Variants in HSP90AB1 observed in about 807,000 individuals in gnomAD.
The protein encoded by HSP90AB1 is heat shock protein 90 alpha family class B member 1.
Under a neutral mutation model 67.8 loss-of-function variants are expected in HSP90AB1, and 17 were observed. The observed-to-expected ratio is 0.25, with a 90% CI of 0.17 to 0.38. The LOEUF is 0.38. Among genes scored for constraint, HSP90AB1 ranks in the 10% least tolerant of loss-of-function variants. The probability of loss-of-function intolerance (pLI) is 1.00; values close to 1 mark genes in which losing one functional copy is unlikely to be tolerated. For synonymous variants in HSP90AB1, 390 were observed against 312.9 expected (o/e 1.25, Z -2.60); for missense variants, 690 against 899.9 (o/e 0.77, Z 2.98).
chr6:44,251,005 G>C (rs773496713), intron 6 of HSP90AB1, 43 bp from the exon 7 acceptor site: 1 of 1,568,652 alleles, frequency 6.4e-7, no homozygotes, highest in South Asian at 1.1e-5. Flanking sequence ...GGGGCTAAAA[G>C]GTCCTCTTTT....
intron 7 of HSP90AB1, 34 bp from the exon 8 acceptor site, chr6:44,251,384 T>A: frequency 6.3e-7 from 1 of 1,588,470 alleles, no homozygotes; most frequent in Non-Finnish European, 8.6e-7. Context: ...TCTAGCTGTT[T>A]TTTACTGAGC....
In HSP90AB1 at chr6:44,251,813, A is replaced by G. The variant is rs1221447112; in HGVS notation, c.1391A>G (p.Asp464Gly). The G allele has an allele frequency of 2.5e-6, 4 of 1,613,096 alleles. No homozygotes were observed. The highest frequency in any genetic ancestry group is 3.4e-6 in the Non-Finnish European group (4 of 1,180,026). ...LLRYHTSQSGDEMTSLSEYVS... is the reference protein window; with the variant it reads ...LLRYHTSQSGGEMTSLSEYVS... ...CGCTATCATACCTCCCAGTCTGGAG[A>G]TGAGATGACATCTCTGTCAGAGTAT... Residue 464 changes from aspartate to glycine, a missense_variant, in exon 9 of 12, where the codon GAT becomes GGT. Asp to Gly is a moderately conservative substitution (Grantham distance 94, BLOSUM62 -1). Coordinates refer to ENST00000371646, the MANE Select transcript of HSP90AB1 (RefSeq NM_007355.4).
intron 8 of HSP90AB1, 26 bp from the exon 9 acceptor site, chr6:44,251,711 T>A (rs763601020): frequency 6.2e-7 from 1 of 1,606,550 alleles, no homozygotes; most frequent in African/African-American, 1.3e-5. Context: ...TAAGCTGGAT[T>A]GTTTTTCCTC....
At position 44,249,438 on chromosome 6, in the gene HSP90AB1, A is replaced by G. The variant is rs746857821; in HGVS notation, c.209A>G (p.Glu70Gly). 4 of 1,614,048 alleles carry G rather than the reference A, an allele frequency of 2.5e-6. No individual in the cohort carries two copies. Among genetic ancestry groups the G allele is most frequent in the Non-Finnish European group, 3.4e-6 (4 of 1,179,908 alleles). ...TDPSKLDSGKELKIDIIPNPQ... is the reference protein window; with the variant it reads ...TDPSKLDSGKGLKIDIIPNPQ... ...CCTTCGAAGTTGGACAGTGGTAAAG[A>G]GCTGAAAATTGACATCATCCCCAAC... The change falls in exon 3 of 12, where the codon GAG (glutamate) becomes GGG (glycine). Residue 70 changes from glutamate (E) to glycine (G), a missense_variant. Around this residue, in one of 7 missense-constraint regions of HSP90AB1, gnomAD observed 88 missense variants for 167.7 expected, o/e 0.52. Transcript: ENST00000371646.
intron 1 of HSP90AB1, among the ~76,000 whole-genome samples, chr6:44,248,254 T>C (rs1780206097): frequency 2.6e-5 from 4 of 152,242 alleles, no homozygotes; most frequent in Admixed American, 2.6e-4. Context: ...TAGGTAGTGA[T>C]TTTCACATTT....
rs1025295021 is a variant in HSP90AB1 at position 44,250,929 on chromosome 6, G to C, written c.958-119G>C. ...GGCTCAGTTTTCTCAGGAGCTGCTT[G>C]TTGTGTGTGCTCTATCCCTTAGGCT... On this transcript the variant is annotated intron_variant, in intron 6 of 11. Transcript: ENST00000371646. 71 of 865,546 alleles carry C rather than the reference G, an allele frequency of 8.2e-5. 1 individual carries two copies. Among genetic ancestry groups the C allele is most frequent in the Admixed American group, 4.1e-4 (20 of 49,236 alleles). 53.6% of individuals were successfully genotyped at this position (865,546 alleles called of 1,614,324 possible).
rs1312101097 is a variant in HSP90AB1, at chr6:44,250,471, A to G, written c.829A>G (p.Ile277Val). 1.2e-6 allele frequency: 2 copies of G among 1,612,232 alleles called. No individual in the cohort carries two copies. Among genetic ancestry groups the G allele is most frequent in the South Asian group, 2.2e-5 (2 of 91,044 alleles). The change falls in exon 6 of 12, where the codon ATT becomes GTT. Residue 277 changes from isoleucine to valine, a missense_variant. By Grantham distance (29) the Ile-to-Val change is conservative. Coordinates refer to ENST00000371646, the MANE Select transcript of HSP90AB1 (RefSeq NM_007355.4). ...AACTAAGAAGATCAAAGAGAAATAC[A>G]TTGATCAGGAAGAACTAAACAAGAC... ...KKTKKIKEKY[I>V]DQEELNKTKP...
rs1448623964 is a variant in HSP90AB1 at position 44,253,030 on chromosome 6, T to C, written c.1732-15T>C. ...AGTGGTAATGTCAATCTAAGGCTTT[T>C]GTGATCGTCCACAGGTGACAATCTC... On this transcript the variant is annotated splice_polypyrimidine_tract_variant and intron_variant, in intron 10 of 11. Transcript: ENST00000371646. 4 of 1,605,846 alleles carry C rather than the reference T, an allele frequency of 2.5e-6. No homozygotes were observed. The highest frequency in any genetic ancestry group is 3.4e-6 in the Non-Finnish European group (4 of 1,172,920).
chr6:44,249,479 C>T lies in HSP90AB1; in HGVS notation c.250C>T (p.Leu84=), dbSNP rs11538987. ...DIIPNPQERT[L]TLVDTGIGMT... ...CATCCCCAACCCTCAGGAACGTACC[C>T]TGACTTTGGTAGACACAGGCATTGG... Residue 84 remains leucine (L), a synonymous_variant, in exon 3 of 12, where the codon CTG becomes TTG. Transcript: ENST00000371646. The T allele has an allele frequency of 6.2e-7, 1 of 1,614,086 alleles. No homozygotes were observed. Among genetic ancestry groups the T allele is most frequent in the Non-Finnish European group, 8.5e-7 (1 of 1,179,942 alleles).
intron 11 of HSP90AB1, 26 bp downstream of exon 11, chr6:44,253,404 G>A: frequency 1.3e-6 from 2 of 1,593,632 alleles, no homozygotes; most frequent in Non-Finnish European, 1.7e-6. Context: ...ACTTGGTGTG[G>A]CAAGGAGTTT....
At chr6:44,252,396 C>A in intron 10 of HSP90AB1, 129 bp downstream of exon 10, 1 of 816,646 alleles carries the variant, frequency 1.2e-6, no homozygotes, top group Non-Finnish European at 1.9e-6. Context: ...GCCTCTTGTT[C>A]TCTTCTCTAG....
Position 44,251,859 on chromosome 6 carries a change from AC to A in HSP90AB1, c.1438del (p.Gln480ArgfsTer34). The A allele has an allele frequency of 6.2e-7, 1 of 1,613,048 alleles. No individual in the cohort carries two copies. Among genetic ancestry groups the A allele is most frequent in the Non-Finnish European group, 8.5e-7 (1 of 1,180,032 alleles). ...SEYVSRMKETQKSIYYITGES... is the reference protein window; with the variant it reads ...SEYVSRMKETXKSIYYITGES... ...AGTATGTTTCTCGCATGAAGGAGACACAGAAGTCCATCTATTACATCACTGG... is the reference window on the plus strand; with the variant it reads ...AGTATGTTTCTCGCATGAAGGAGACAAGAAGTCCATCTATTACATCACTGG... On this transcript the variant is annotated frameshift_variant, in exon 9 of 12. Coordinates refer to ENST00000371646, the MANE Select transcript of HSP90AB1 (RefSeq NM_007355.4). LOFTEE classifies it high-confidence loss of function.
chr6:44,248,518 G>T, intron 1 of HSP90AB1, 112 bp from the exon 2 acceptor site: 1 of 960,538 alleles, frequency 1.0e-6, no homozygotes, highest in African/African-American at 1.6e-5. Flanking sequence ...TAGTACTCCG[G>T]TTAAACCAGT....
rs1780494102 is a variant in HSP90AB1, at chr6:44,250,414, G to A, written c.772G>A (p.Glu258Lys). Residue 258 changes from glutamate (E) to lysine (K), a missense_variant, in exon 6 of 12, where the codon GAG (glutamate) becomes AAG (lysine). Physicochemically the swap from Glu to Lys is moderately conservative, Grantham distance 56. Coordinates refer to ENST00000371646, the MANE Select transcript of HSP90AB1 (RefSeq NM_007355.4). ...GATCGAAGATGTGGGTTCAGATGAGGAGGATGACAGCGGTAAGGATAAGAA... is the reference window on the plus strand; with the variant it reads ...GATCGAAGATGTGGGTTCAGATGAGAAGGATGACAGCGGTAAGGATAAGAA... The part of the protein sequence containing the change: ...PKIEDVGSDE[E>K]DDSGKDKKKK... The A allele has an allele frequency of 6.2e-7, 1 of 1,613,794 alleles. No homozygotes were observed. Among genetic ancestry groups the A allele is most frequent in the Non-Finnish European group, 8.5e-7 (1 of 1,179,794 alleles).
In HSP90AB1 at chr6:44,253,655, C is replaced by T. The variant is rs1582992347; in HGVS notation, c.*57C>T. 2 of 1,313,444 alleles carry T rather than the reference C, an allele frequency of 1.5e-6. No individual in the cohort carries two copies. Among genetic ancestry groups the T allele is most frequent in the Non-Finnish European group, 2.2e-6 (2 of 905,620 alleles). The allele number at this position is 1,313,444 out of a possible 1,614,324, so 81.4% of individuals were successfully genotyped here. A position where few individuals can be genotyped will look rare whatever the true frequency, so the allele number is the denominator to read the frequency against. ...CTTGTATAGTGTCCCCATGGGCTCCCACTGCAGCCTCGAGTGCCCCTGTCC... is the reference window on the plus strand; with the variant it reads ...CTTGTATAGTGTCCCCATGGGCTCCTACTGCAGCCTCGAGTGCCCCTGTCC... On this transcript the variant is annotated 3_prime_UTR_variant, in exon 12 of 12. Transcript: ENST00000371646.
intron 10 of HSP90AB1, 49 bp from the exon 11 acceptor site, chr6:44,252,996 C>T (rs1317525633): frequency 6.7e-6 from 10 of 1,494,716 alleles, no homozygotes; most frequent in Non-Finnish European, 9.3e-6. Context: ...TGCCTGTTTT[C>T]TCTTTCAAAG....
intron 1 of HSP90AB1, among the ~76,000 whole-genome samples, 174 bp downstream of exon 1, chr6:44,247,369 C>T (rs1179221446): frequency 1.3e-5 from 2 of 151,444 alleles, no homozygotes; most frequent in African/African-American, 2.4e-5. Context: ...GAGTCCTCCT[C>T]GGTTTTCTCT....
At position 44,252,193 on chromosome 6, in the gene HSP90AB1, A is replaced by G; in HGVS notation, c.1657A>G (p.Met553Val). ...TGAGGATGAGGAGGAGAAGAAGAAG[A>G]TGGAAGAGAGCAAGGCAAAGTTTGA... ...LPEDEEEKKK[M>V]EESKAKFENL... Residue 553 changes from methionine (M) to valine (V), a missense_variant, in exon 10 of 12, where the codon ATG becomes GTG. Around this residue, in one of 7 missense-constraint regions of HSP90AB1, gnomAD observed 206 missense variants for 221.4 expected, o/e 0.93. Transcript: ENST00000371646. The G allele has an allele frequency of 6.2e-7, 1 of 1,614,176 alleles. No individual in the cohort carries two copies. The highest frequency in any genetic ancestry group is 8.5e-7 in the Non-Finnish European group (1 of 1,180,012).
intron 4 of HSP90AB1, 52 bp downstream of exon 4, chr6:44,249,886 A>G: frequency 6.3e-7 from 1 of 1,592,080 alleles, no homozygotes; most frequent in Non-Finnish European, 8.6e-7. Context: ...TTCTGGGCTC[A>G]CACCAGTAGC....
Sources: gnomAD v4.1 joint callset for allele counts (sites outside exome capture counted in the v4.1 genomes callset) on GRCh38, gnomAD v4.1.1 for gene constraint, gnomAD v4.1.1 regional missense constraint, MANE v1.5 for transcripts, NCBI Gene and HGNC (gene_info 2026-07-23, HGNC 2026-07-21) for gene names.